MAST4: variants seen among roughly 807,000 people sequenced by gnomAD.
MAST4 encodes microtubule-associated serine/threonine-protein kinase 4.
In MAST4, 89 loss-of-function variants were observed where a neutral mutation model predicts 162.7. The observed-to-expected ratio is 0.55, with a 90% confidence interval of 0.46 to 0.65. MAST4 has a LOEUF of 0.65. Among genes scored for constraint, MAST4 ranks in the 30% least tolerant of loss-of-function variants. The probability of loss-of-function intolerance (pLI) is 0.00; values close to 1 mark genes in which losing one functional copy is unlikely to be tolerated. For missense variants in MAST4, 3,153 were observed against 3,374.0 expected, an observed-to-expected ratio of 0.93 and a Z score of 1.62; for synonymous variants, 1,479 against 1,361.1, an observed-to-expected ratio of 1.09 and a Z score of -1.91.
At chr5:66,747,159 T>C (rs1752819653) in intron 1 of MAST4, among the ~76,000 whole-genome samples, 2 of 151,522 alleles carry the variant, frequency 1.3e-5, no homozygotes, top group South Asian at 2.1e-4. Context: ...GAAAAGGAAT[T>C]GACTTTCTTG....
At position 67,166,403 on chromosome 5, in the gene MAST4, G is replaced by A. The variant is rs1223934580; in HGVS notation, c.7224G>A (p.Ala2408=). 3 of 1,610,180 alleles carry A rather than the reference G, an allele frequency of 1.9e-6. No homozygotes were observed. The highest frequency in any genetic ancestry group is 1.7e-4 in the Middle Eastern group (1 of 6,050). The change falls in exon 29 of 29, where the codon GCG becomes GCA. Residue 2408 remains alanine (A), a synonymous_variant. Transcript: ENST00000403625. ...TGAAAGGCGCGGAGCGGCCAGCCGC[G>A]GGGGTGGGGAAGGGCTTCCCTGAGG... is the stretch of plus-strand genomic sequence containing the variant. ...NRLKGAERPA[A]GVGKGFPEAR... is the part of the protein sequence containing the mutation.
intron 1 of MAST4, among the ~76,000 whole-genome samples, chr5:66,694,215 C>T (rs914766578): frequency 2.6e-5 from 4 of 152,084 alleles, no homozygotes. Context: ...GGTGTTTTTT[C>T]AAAAGCTCCC....
intron 4 of MAST4, among the ~76,000 whole-genome samples, chr5:66,905,366 C>T (rs1195414555): frequency 6.6e-6 from 1 of 150,748 alleles, no homozygotes; most frequent in Non-Finnish European, 1.5e-5. Flanking sequence ...GCAGAAGCAG[C>T]TCCCAGTATG....
intron 3 of MAST4, among the ~76,000 whole-genome samples, chr5:66,796,739 A>C (rs1034133326): frequency 1.3e-5 from 2 of 152,106 alleles, no homozygotes; most frequent in African/African-American, 4.8e-5. Flanking sequence ...TTACCTGTTT[A>C]CCCAACTGGT....
At position 67,140,696 on chromosome 5, in the gene MAST4, G is replaced by A. The variant is rs75255954; in HGVS notation, c.2495-1419G>A. On this transcript the variant is annotated intron_variant, in intron 19 of 28. Transcript: ENST00000403625. ...CATTTCCACATCCACAAAAGGTGTT[G>A]TAATGCCCACTTCATGTGGTTATAT... Among the ~76,000 whole-genome samples the A allele has an allele frequency of 1.7e-4, 26 of 152,298 alleles. No homozygotes were observed. In the East Asian group the frequency reaches 5.0e-3, roughly 29 times the overall value.
intron 4 of MAST4, among the ~76,000 whole-genome samples, chr5:66,926,542 A>G (rs1271316747): frequency 1.3e-5 from 2 of 149,440 alleles, no homozygotes; most frequent in Admixed American, 6.8e-5. Flanking sequence ...GCAAGACTCC[A>G]TATCTCTTTC....
intron 4 of MAST4, among the ~76,000 whole-genome samples, chr5:66,953,814 G>A (rs1030536479): frequency 4.6e-5 from 7 of 152,146 alleles, no homozygotes; most frequent in African/African-American, 1.7e-4. Context: ...ATTCTTTGTT[G>A]TGGGGCAATA....
chr5:66,608,354 CCTTTTTTTTTT>C (rs1743038833), intron 1 of MAST4, among the ~76,000 whole-genome samples: 1 of 89,452 alleles, frequency 1.1e-5, no homozygotes, highest in Non-Finnish European at 2.1e-5. Context: ...CTGTGCCTGG[CCTTTTTTTTTT>C]TTTTTTTTTT....
chr5:66,796,910 G>A (rs1243405396), intron 3 of MAST4, among the ~76,000 whole-genome samples: 1 of 152,192 alleles, frequency 6.6e-6, no homozygotes, highest in African/African-American at 2.4e-5. Flanking sequence ...AGTTGTTTAT[G>A]AAAGGAACAC....
intron 4 of MAST4, among the ~76,000 whole-genome samples, chr5:66,940,085 G>A (rs1580948024): frequency 6.6e-6 from 1 of 151,994 alleles, no homozygotes; most frequent in South Asian, 2.1e-4. Flanking sequence ...ATATGTATGT[G>A]TATATATATG....
At chr5:66,840,013 A>G (rs1448275704) in intron 3 of MAST4, among the ~76,000 whole-genome samples, 1 of 152,042 alleles carries the variant, frequency 6.6e-6, no homozygotes, top group East Asian at 1.9e-4. Flanking sequence ...TGAGAATACA[A>G]GCTTAATTTT....
intron 1 of MAST4, among the ~76,000 whole-genome samples, chr5:66,608,971 T>C (rs752928323): frequency 1.3e-5 from 2 of 152,182 alleles, no homozygotes; most frequent in African/African-American, 2.4e-5. Flanking sequence ...TAGAAGATAT[T>C]GTTCTAGATG....
chr5:66,763,558 T>A (rs1188428447), intron 2 of MAST4, among the ~76,000 whole-genome samples: 1 of 152,172 alleles, frequency 6.6e-6, no homozygotes, highest in Non-Finnish European at 1.5e-5. Context: ...CATATTATGG[T>A]ACGCACATAA....
intron 3 of MAST4, among the ~76,000 whole-genome samples, chr5:66,824,189 G>A (rs1057346211): frequency 4.6e-5 from 7 of 152,312 alleles, no homozygotes; most frequent in Middle Eastern, 3.4e-3. Flanking sequence ...TTGAGAAGTA[G>A]TGATCACGGT....
intron 6 of MAST4, among the ~76,000 whole-genome samples, chr5:67,090,691 C>T (rs144914296): frequency 1.3e-5 from 2 of 151,416 alleles, no homozygotes; most frequent in Non-Finnish European, 2.9e-5. Context: ...CAATTGGGCA[C>T]CAGCCGTCAA....
intron 21 of MAST4, among the ~76,000 whole-genome samples, chr5:67,144,410 A>T (rs1016300212): frequency 5.9e-5 from 9 of 152,076 alleles, no homozygotes; most frequent in African/African-American, 2.2e-4. Context: ...CCGCAACAAG[A>T]TATGATGAGA....
Position 66,751,075 on chromosome 5 carries a change from A to G in MAST4, c.364-8634A>G, listed in dbSNP as rs561041461. On this transcript the variant is annotated intron_variant, in intron 1 of 28. Coordinates refer to ENST00000403625, the MANE Select transcript of MAST4 (RefSeq NM_001164664.2). ...CGGCAGGGTATTCGAACAGACCTGC[A>G]GCTGAGGGTCCTGTCTGTTGGAAGG... 1.3e-3 allele frequency among the ~76,000 whole-genome samples: 200 copies of G among 152,158 alleles called. 1 individual carries two copies. Among genetic ancestry groups the G allele is most frequent in the African/African-American group, 3.9e-3 (161 of 41,552 alleles).
Position 66,620,514 on chromosome 5 carries a change from A to C in MAST4, c.363+23496A>C, listed in dbSNP as rs1744008956. ...AACCCTAACTGATAGCCTTTAAAAA[A>C]AACAACAAAGCATGGCCTTTAGTAA... On this transcript the variant is annotated intron_variant, in intron 1 of 28. Transcript: ENST00000403625. Among the ~76,000 whole-genome samples the C allele has an allele frequency of 2.6e-5, 4 of 152,206 alleles. No individual in the cohort carries two copies. The South Asian group carries it at 8.3e-4, about 31-fold the overall frequency.
intron 3 of MAST4, among the ~76,000 whole-genome samples, chr5:66,801,872 G>T (rs191736894): frequency 6.6e-6 from 1 of 152,136 alleles, no homozygotes; most frequent in South Asian, 2.1e-4. Flanking sequence ...TTTTCCAGAT[G>T]TAAGACATTC....
Sources: allele counts gnomAD v4.1 joint callset (sites outside exome capture counted in the v4.1 genomes callset), GRCh38; gene constraint gnomAD v4.1.1; transcripts MANE v1.5; gene names NCBI Gene and HGNC (gene_info 2026-07-23, HGNC 2026-07-21).